Variants in ADAMTSL1 observed in about 807,000 individuals in gnomAD.
ADAMTSL1 encodes ADAMTS-like protein 1.
In ADAMTSL1, 126 loss-of-function variants were observed where a neutral mutation model predicts 201.8. The ratio of observed to expected loss-of-function variants is 0.62; its 90% CI spans 0.54 to 0.72. ADAMTSL1 has a LOEUF of 0.72. ADAMTSL1 is among the 30% of genes least tolerant of loss of function. The pLI, the probability that ADAMTSL1 is intolerant of heterozygous loss-of-function variation, is 0.00. For missense variants in ADAMTSL1, 2,679 were observed against 2,277.8 expected (o/e 1.18, Z -3.59); for synonymous variants, 1,121 against 903.4 (o/e 1.24, Z -4.32).
Position 18,504,883 on chromosome 9 carries a change from G to A in ADAMTSL1, c.118G>A (p.Gly40Ser). 6.2e-7 allele frequency: 1 copy of A among 1,613,412 alleles called. No homozygotes were observed. ...CCGGGACGGCCTATGGGATGCCTGG[G>A]GCCCATGGAGTGAATGCTCACGCAC... ...EDRDGLWDAW[G>S]PWSECSRTCG... Residue 40 changes from glycine to serine, a missense_variant, in exon 2 of 29, where the codon GGC becomes AGC. Gly to Ser is a moderately conservative substitution (Grantham distance 56). Transcript: ENST00000380548.
chr9:18,356,141 C>T (rs1452703973), intron 2 of ADAMTSL1, among the ~76,000 whole-genome samples: 1 of 152,182 alleles, frequency 6.6e-6, no homozygotes, highest in East Asian at 1.9e-4. Context: ...GGATGGGGGA[C>T]ATGGGGGTGT....
intron 2 of ADAMTSL1, among the ~76,000 whole-genome samples, chr9:18,368,714 G>A (rs895585505): frequency 6.6e-6 from 1 of 152,150 alleles, no homozygotes; most frequent in East Asian, 1.9e-4. Context: ...TCTGTGGTGA[G>A]GTTAGAACCA....
intron 4 of ADAMTSL1, among the ~76,000 whole-genome samples, chr9:18,582,017 T>A (rs1304679465): frequency 1.3e-5 from 2 of 152,192 alleles, no homozygotes; most frequent in Non-Finnish European, 2.9e-5. Flanking sequence ...ATCACGTCAG[T>A]CTTTCTTGCA....
intron 2 of ADAMTSL1, among the ~76,000 whole-genome samples, chr9:18,417,963 A>T (rs886278523): frequency 1.3e-5 from 2 of 152,200 alleles, no homozygotes; most frequent in Admixed American, 1.3e-4. Context: ...AAATATTACC[A>T]AATCAAACTC....
At position 18,182,639 on chromosome 9, in the gene ADAMTSL1, G is replaced by T. The variant is rs768351797; in HGVS notation, c.207+18658G>T. On this transcript the variant is annotated intron_variant, in intron 2 of 29. Coordinates refer to the ADAMTSL1 transcript ENST00000680146. ...AGTGGCAGGTAGTGATAATAATAGT[G>T]ATGAACACAGCAGCAGCACACATTT... Among the ~76,000 whole-genome samples, 53 of 152,312 alleles carry T rather than the reference G, an allele frequency of 3.5e-4. No individual in the cohort carries two copies. The Middle Eastern group carries it at 0.014, about 39-fold the overall frequency.
At chr9:18,228,592 A>G (rs1409175248) in intron 2 of ADAMTSL1, among the ~76,000 whole-genome samples, 1 of 151,854 alleles carries the variant, frequency 6.6e-6, no homozygotes, top group Non-Finnish European at 1.5e-5. Flanking sequence ...GCTAATTTTT[A>G]AAATTTTTAT....
intron 2 of ADAMTSL1, among the ~76,000 whole-genome samples, chr9:18,287,426 A>G (rs192880993): frequency 1.3e-5 from 2 of 151,850 alleles, no homozygotes; most frequent in Admixed American, 6.6e-5. Context: ...TATATCTGTA[A>G]TATTTCTACA....
chr9:18,112,169 G>A (rs1825052124), intron 1 of ADAMTSL1, among the ~76,000 whole-genome samples: 1 of 152,122 alleles, frequency 6.6e-6, no homozygotes, highest in African/African-American at 2.4e-5. Flanking sequence ...GATAGATAAT[G>A]TGTACTTTTT....
At chr9:18,652,216 A>G (rs1359777719) in intron 7 of ADAMTSL1, among the ~76,000 whole-genome samples, 1 of 152,026 alleles carries the variant, frequency 6.6e-6, no homozygotes, top group Non-Finnish European at 1.5e-5. Flanking sequence ...TACTAAAACT[A>G]CAAAAATTGG....
At position 18,103,696 on chromosome 9, in the gene ADAMTSL1, G is replaced by T. The variant is rs143199916; in HGVS notation, c.88-60166G>T. Among the ~76,000 whole-genome samples the T allele has an allele frequency of 5.1e-3, 777 of 152,266 alleles. 28 individuals are homozygous for T. The highest frequency in any genetic ancestry group is 0.046 in the Admixed American group (699 of 15,278). On this transcript the variant is annotated intron_variant, in intron 1 of 29. Transcript: ENST00000680146. ...TGCCTGCTATAAAAACAGCAATGTT[G>T]TATGTCATATGAGGAATTTTTTTGA...
chr9:18,195,984 A>G (rs1306175844), intron 2 of ADAMTSL1, among the ~76,000 whole-genome samples: 2 of 152,160 alleles, frequency 1.3e-5, no homozygotes, highest in East Asian at 3.9e-4. Flanking sequence ...TTAAAAGAAA[A>G]AAAACAATTC....
At chr9:18,492,843 A>G (rs1563994385) in intron 1 of ADAMTSL1, among the ~76,000 whole-genome samples, 1 of 152,228 alleles carries the variant, frequency 6.6e-6, no homozygotes, top group Non-Finnish European at 1.5e-5. Flanking sequence ...ATACCACAGC[A>G]GCAAAGTCAG....
intron 19 of ADAMTSL1, among the ~76,000 whole-genome samples, chr9:18,794,422 A>C (rs1457693154): frequency 6.6e-6 from 1 of 150,808 alleles, no homozygotes; most frequent in African/African-American, 2.4e-5. Flanking sequence ...AAAAACAAAA[A>C]CAAAAACAAA....
chr9:18,045,562 TG>T (rs776850462), intron 1 of ADAMTSL1, among the ~76,000 whole-genome samples: 11 of 152,170 alleles, frequency 7.2e-5, no homozygotes, highest in Non-Finnish European at 1.3e-4. Flanking sequence ...ATTAGATGAA[TG>T]GGTAGGTCCC....
At chr9:18,863,820 A>G (rs1827350251) in intron 23 of ADAMTSL1, among the ~76,000 whole-genome samples, 1 of 152,126 alleles carries the variant, frequency 6.6e-6, no homozygotes, top group African/African-American at 2.4e-5. Context: ...TACACACCAC[A>G]TACCACGAGC....
intron 26 of ADAMTSL1, among the ~76,000 whole-genome samples, chr9:18,904,207 AC>A (rs1272526110): frequency 3.3e-5 from 5 of 152,094 alleles, no homozygotes; most frequent in African/African-American, 1.2e-4. Context: ...GGTGGCTTAC[AC>A]CTGGACTCCC....
chr9:18,787,138 A>G (rs180994683), intron 19 of ADAMTSL1, among the ~76,000 whole-genome samples: 7 of 152,352 alleles, frequency 4.6e-5, no homozygotes, highest in African/African-American at 1.7e-4. Flanking sequence ...ATAGGGAAGG[A>G]AAAACAAGCC....
intron 2 of ADAMTSL1, among the ~76,000 whole-genome samples, chr9:18,337,134 G>A (rs565644952): frequency 6.6e-6 from 1 of 152,046 alleles, no homozygotes; most frequent in African/African-American, 2.4e-5. Context: ...AATCTGGGTG[G>A]GCACAATCTA....
Position 18,892,428 on chromosome 9 carries a change from T to G in ADAMTSL1, c.4683T>G (p.Cys1561Trp), listed in dbSNP as rs763929573. 6.2e-7 allele frequency: 1 copy of G among 1,613,604 alleles called. No individual in the cohort carries two copies. Among genetic ancestry groups the G allele is most frequent in the East Asian group, 2.2e-5 (1 of 44,874 alleles). Reference sequence around the variant, plus strand: ...CCTGGTCTGCCTGTACCCGGAGCTGTGGGGGAGGTGTCCAGACCCGCAGGG... The same window carrying G: ...CCTGGTCTGCCTGTACCCGGAGCTGGGGGGGAGGTGTCCAGACCCGCAGGG... ...VTSWSACTRS[C>W]GGGVQTRRVT... Residue 1561 changes from cysteine (C) to tryptophan (W), a missense_variant, in exon 26 of 29, where the codon TGT becomes TGG. Transcript: ENST00000380548.
Sources: allele counts gnomAD v4.1 joint callset (sites outside exome capture counted in the v4.1 genomes callset), GRCh38; gene constraint gnomAD v4.1.1; transcripts MANE v1.5; gene names NCBI Gene and HGNC (gene_info 2026-07-23, HGNC 2026-07-21).